HMCN2: variants seen among roughly 807,000 people sequenced by gnomAD.
The protein encoded by HMCN2 is hemicentin-2.
HMCN2 carries 325 observed loss-of-function variants against 377.5 expected under a neutral mutation model. The ratio of observed to expected loss-of-function variants is 0.86; its 90% confidence interval spans 0.79 to 0.94. The LOEUF (loss-of-function observed/expected upper bound fraction) is 0.94. Ranked by LOEUF, HMCN2 falls within the 40% of genes least tolerant of loss-of-function variation. The pLI is 0.00. For missense variants in HMCN2, 4,543 were observed against 4,725.3 expected, an observed-to-expected ratio of 0.96 and a Z score of 1.13; for synonymous variants, 2,007 against 2,046.8, an observed-to-expected ratio of 0.98 and a Z score of 0.53.
At chr9:130,306,788 G>A (rs1301565838) in intron 12 of HMCN2, 23 bp from the exon 13 acceptor site, 3 of 455,020 alleles carry the variant, frequency 6.6e-6, no homozygotes, top group African/African-American at 6.0e-5. Context: ...GTGACCCGAT[G>A]TGTTTCTATG....
In HMCN2 at chr9:130,332,583, G is replaced by A. The variant is rs967181877; in HGVS notation, c.3359+5108G>A. On this transcript the variant is annotated intron_variant, in intron 22 of 97. Transcript: ENST00000683500. ...CAGCATCGCAGGGCTTACGCTCTCC[G>A]GGCTCGTGCGATGGCGCTGGCTCCG... Among the ~76,000 whole-genome samples, 113 of 152,224 alleles carry A rather than the reference G, an allele frequency of 7.4e-4. No homozygotes were observed. In the East Asian group the frequency reaches 0.021, roughly 29 times the overall value.
In HMCN2 at chr9:130,425,025, G is replaced by T. The variant is rs1013273730; in HGVS notation, c.13536G>T (p.Met4512Ile). 6.5e-7 allele frequency: 1 copy of T among 1,548,490 alleles called. No homozygotes were observed. The highest frequency in any genetic ancestry group is 8.7e-7 in the Non-Finnish European group (1 of 1,145,838). Residue 4512 changes from methionine (M) to isoleucine (I), a missense_variant, in exon 89 of 98, where the codon ATG (methionine) becomes ATT (isoleucine). By Grantham distance (10) the Met-to-Ile change is conservative (BLOSUM62 1). Coordinates refer to ENST00000683500, the MANE Select transcript of HMCN2 (RefSeq NM_001291815.2). ...GGTTTGCAGGGGAGCTGCTCACGAT[G>T]ACCCAGGTGGCCCGGGGTCTGGATC... is the stretch of plus-strand genomic sequence containing the variant. ...VEFATGELLT[M>I]TQVARGLDPD...
rs911530609 is a variant in HMCN2, at chr9:130,422,011, C to T, written c.13232-566C>T. On this transcript the variant is annotated intron_variant, in intron 86 of 97. Transcript: ENST00000683500. The surrounding 1 kb of genome is among the most constrained non-coding windows in gnomAD (Gnocchi z 4.2). ...AGCACCCCCCTGTGCCTGCATCATC[C>T]GTTTGATTAGCGCTAAAGAGCATCT... Among the ~76,000 whole-genome samples, 1 of 152,236 alleles carries T rather than the reference C, an allele frequency of 6.6e-6. No individual in the cohort carries two copies. Among genetic ancestry groups the T allele is most frequent in the Non-Finnish European group, 1.5e-5 (1 of 68,052 alleles).
intron 60 of HMCN2, among the ~76,000 whole-genome samples, chr9:130,385,971 C>A (rs569665281): frequency 2.0e-5 from 3 of 152,192 alleles, no homozygotes; most frequent in Non-Finnish European, 4.4e-5. Context: ...CCCAGCCCTG[C>A]AGTCATGGCA....
chr9:130,326,807 G>C (rs1418846879), intron 21 of HMCN2, among the ~76,000 whole-genome samples: 1 of 152,164 alleles, frequency 6.6e-6, no homozygotes, highest in Non-Finnish European at 1.5e-5. Flanking sequence ...TGCCGACGAA[G>C]GGTCTTCAGC....
chr9:130,278,645 C>T (rs868906397), intron 1 of HMCN2, among the ~76,000 whole-genome samples: 59 of 151,702 alleles, frequency 3.9e-4, no homozygotes, highest in African/African-American at 1.4e-3. Flanking sequence ...TACAATGGCA[C>T]GATCTCGGCT....
Position 130,337,525 on chromosome 9 carries a change from C to G in HMCN2, c.3360-369C>G, listed in dbSNP as rs889750941. 6.6e-5 allele frequency among the ~76,000 whole-genome samples: 10 copies of G among 152,196 alleles called. No homozygotes were observed. In the East Asian group the frequency reaches 1.9e-3, roughly 29 times the overall value. On this transcript the variant is annotated intron_variant, in intron 22 of 97. Coordinates refer to ENST00000683500, the MANE Select transcript of HMCN2 (RefSeq NM_001291815.2). ...CCTGGGCTGAGCCTGTGATAGACTC[C>G]GTTTACCAGCCCTGGCCCAGACACA...
chr9:130,348,802 C>G (rs914907345), intron 27 of HMCN2, 127 bp downstream of exon 27: 12 of 1,242,686 alleles, frequency 9.7e-6, no homozygotes, highest in Non-Finnish European at 1.3e-5. Context: ...TGGTGGTGCT[C>G]TGGGGTTCAC....
At chr9:130,325,786 G>C (rs1345912738) in intron 20 of HMCN2, 25 bp from the exon 21 acceptor site, 1 of 152,222 alleles carries the variant, frequency 6.6e-6, no homozygotes, top group Non-Finnish European at 1.5e-5. Context: ...GGGCTTCGCC[G>C]ATGTCACCTG....
At chr9:130,429,391 G>T (rs1588450546) in intron 93 of HMCN2, 166 bp from the exon 94 acceptor site, 1 of 784,522 alleles carries the variant, frequency 1.3e-6, no homozygotes, top group Non-Finnish European at 2.0e-6. Context: ...CCTCCAACCT[G>T]GTATAACTGG....
Position 130,360,831 on chromosome 9 carries a change from A to C in HMCN2, c.5950+227A>C, listed in dbSNP as rs2131563183. Among the ~76,000 whole-genome samples, 1 of 146,852 alleles carries C rather than the reference A, an allele frequency of 6.8e-6. No homozygotes were observed. Among genetic ancestry groups the C allele is most frequent in the South Asian group, 2.2e-4 (1 of 4,534 alleles). ...CATCCACCCCTCCATCCATCCACCC[A>C]TCCACTCATCCACCTATCCACCCAT... On this transcript the variant is annotated intron_variant, in intron 38 of 97. Coordinates refer to ENST00000683500, the MANE Select transcript of HMCN2 (RefSeq NM_001291815.2). The surrounding 1 kb of genome is among the most constrained non-coding windows in gnomAD (Gnocchi z 4.7).
At chr9:130,341,918 G>A (rs1839070389) in intron 24 of HMCN2, among the ~76,000 whole-genome samples, 1 of 152,004 alleles carries the variant, frequency 6.6e-6, no homozygotes, top group African/African-American at 2.4e-5. Flanking sequence ...GCTCATGCCT[G>A]TAATCCCAGC....
At chr9:130,325,096 C>CT (rs878863979) in intron 19 of HMCN2, among the ~76,000 whole-genome samples, 36,090 of 127,340 alleles carry the variant, frequency 0.28, 5,596 homozygotes, top group African/African-American at 0.38. Context: ...TCTTCTTCTT[C>CT]TTTTTTTTTT....
chr9:130,422,666 G>A lies in HMCN2; in HGVS notation c.13321G>A (p.Glu4441Lys). 3.0e-6 allele frequency: 4 copies of A among 1,318,442 alleles called. No individual in the cohort carries two copies. Among genetic ancestry groups the A allele is most frequent in the Non-Finnish European group, 3.9e-6 (4 of 1,026,256 alleles). The allele number at this position is 1,318,442 out of a possible 1,614,324, so 81.7% of individuals were successfully genotyped here. The change falls in exon 87 of 98, where the codon GAG becomes AAG. Residue 4441 changes from glutamate (E) to lysine (K), a missense_variant. By Grantham distance (56) the Glu-to-Lys change is moderately conservative. This residue lies in a region of HMCN2 where 1,155 missense variants were observed against 1,157.7 expected (regional missense o/e 1.00). Coordinates refer to ENST00000683500, the MANE Select transcript of HMCN2 (RefSeq NM_001291815.2). The surrounding 1 kb of genome is among the most constrained non-coding windows in gnomAD (Gnocchi z 4.2). The part of the protein sequence containing the change: ...VATLNTSVMQ[E>K]AHSGVSSIHS... The stretch of plus-strand genomic sequence containing the variant: ...CACACTCAACACCAGCGTGATGCAG[G>A]AGGCACACTCCGGGGTCAGCAGCAT...
intron 61 of HMCN2, among the ~76,000 whole-genome samples, chr9:130,387,184 G>T (rs550494971): frequency 6.6e-6 from 1 of 152,348 alleles, no homozygotes; most frequent in Admixed American, 6.5e-5. Flanking sequence ...GCTGGGGTGA[G>T]GAGGAGCCTA....
At chr9:130,322,590 C>T (rs1055970111) in intron 19 of HMCN2, among the ~76,000 whole-genome samples, 10 of 152,298 alleles carry the variant, frequency 6.6e-5, no homozygotes, top group Middle Eastern at 3.4e-3. Context: ...GTACTCCCCC[C>T]GCCCAACCGC....
chr9:130,359,067 G>A (rs895589543), intron 36 of HMCN2, among the ~76,000 whole-genome samples: 26 of 152,316 alleles, frequency 1.7e-4, no homozygotes, highest in Non-Finnish European at 3.5e-4. Context: ...TCCCCTGGCT[G>A]TGCTGGCGTC....
intron 25 of HMCN2, among the ~76,000 whole-genome samples, chr9:130,343,083 C>A (rs888009248): frequency 0.018 from 2,816 of 152,302 alleles, 87 homozygotes; most frequent in African/African-American, 0.064. Flanking sequence ...TGGGACCCCA[C>A]GCGTGCACAG....
intron 36 of HMCN2, among the ~76,000 whole-genome samples, 152 bp from the exon 37 acceptor site, chr9:130,359,167 G>T (rs991221153): frequency 2.6e-5 from 4 of 152,098 alleles, no homozygotes; most frequent in African/African-American, 9.7e-5. Context: ...TTCCAGGAGT[G>T]AGGTTGCTTA....
Sources: allele counts gnomAD v4.1 joint callset (sites outside exome capture counted in the v4.1 genomes callset), GRCh38; gene constraint gnomAD v4.1.1; regional missense constraint gnomAD v4.1.1; non-coding constraint Gnocchi (gnomAD v3.1); transcripts MANE v1.5; gene names NCBI Gene and HGNC (gene_info 2026-07-23, HGNC 2026-07-21).